The following HSDL2 variants were observed in gnomAD, a reference collection of about 807,000 sequenced individuals.
The protein encoded by HSDL2 is hydroxysteroid dehydrogenase like 2.
A neutral mutation model predicts 46.3 loss-of-function variants in HSDL2; 27 were observed. That is an observed-to-expected ratio of 0.58 (90% CI 0.43 to 0.80). The LOEUF (loss-of-function observed/expected upper bound fraction) is 0.80. Among genes scored for constraint, HSDL2 ranks in the 30% least tolerant of loss-of-function variants. The probability of loss-of-function intolerance (pLI) is 0.00; values close to 1 mark genes in which losing one functional copy is unlikely to be tolerated. For synonymous variants in HSDL2, 153 were observed against 163.6 expected, an observed-to-expected ratio of 0.94 and a Z score of 0.50; for missense variants, 451 against 502.7, an observed-to-expected ratio of 0.90 and a Z score of 0.98.
intron 10 of HSDL2, 49 bp from the exon 11 acceptor site, chr9:112,470,383 C>T: frequency 3.6e-6 from 4 of 1,106,316 alleles, no homozygotes; most frequent in South Asian, 2.6e-5. Context: ...GCAATATATC[C>T]CTAAGGGCAC....
chr9:112,412,800 A>C (rs766448794), intron 4 of HSDL2, among the ~76,000 whole-genome samples: 7 of 152,152 alleles, frequency 4.6e-5, no homozygotes, highest in Non-Finnish European at 1.0e-4. Flanking sequence ...TTAGATGTGA[A>C]GGTGCAATTA....
intron 10 of HSDL2, among the ~76,000 whole-genome samples, chr9:112,465,949 C>G (rs1484792094): frequency 6.6e-6 from 1 of 152,212 alleles, no homozygotes; most frequent in African/African-American, 2.4e-5. Context: ...TTTAACTTCT[C>G]AAAGAATTGC....
chr9:112,463,834 TA>T (rs1235273044), intron 10 of HSDL2, among the ~76,000 whole-genome samples: 1 of 151,910 alleles, frequency 6.6e-6, no homozygotes, highest in Non-Finnish European at 1.5e-5. Context: ...GTAATTTTTG[TA>T]TTTTTACTAG....
intron 8 of HSDL2, among the ~76,000 whole-genome samples, chr9:112,451,222 A>G (rs1029521292): frequency 2.0e-5 from 3 of 152,196 alleles, no homozygotes; most frequent in African/African-American, 7.2e-5. Flanking sequence ...ATTGGAATTC[A>G]TAGCTCAATT....
chr9:112,430,837 G>T (rs568936458), intron 6 of HSDL2, among the ~76,000 whole-genome samples: 29 of 152,188 alleles, frequency 1.9e-4, no homozygotes, highest in South Asian at 4.2e-4. Flanking sequence ...TGAATCACCT[G>T]AGGTCAAGAG....
At position 112,461,887 on chromosome 9, in the gene HSDL2, T is replaced by C. The variant is rs556582835; in HGVS notation, c.1144+2310T>C. ...TACAGTTGAAATAATAGGCTTTCTA[T>C]TGGTATCTTTCTTTGAATGTGGTCT... On this transcript the variant is annotated intron_variant, in intron 10 of 10. Transcript: ENST00000398805. Among the ~76,000 whole-genome samples, 3 of 152,362 alleles carry C rather than the reference T, an allele frequency of 2.0e-5. No individual in the cohort carries two copies. In the East Asian group the frequency reaches 5.8e-4, roughly 29 times the overall value.
chr9:112,464,315 T>C (rs559919923), intron 10 of HSDL2, among the ~76,000 whole-genome samples: 2 of 152,306 alleles, frequency 1.3e-5, no homozygotes, highest in Admixed American at 6.5e-5. Flanking sequence ...TCTGGATGCA[T>C]GTTCTTTATT....
chr9:112,424,686 TC>T (rs1832208086), intron 6 of HSDL2, among the ~76,000 whole-genome samples: 1 of 151,978 alleles, frequency 6.6e-6, no homozygotes, highest in Non-Finnish European at 1.5e-5. Context: ...ATATAGTTGA[TC>T]CATGAACAAT....
In HSDL2 at chr9:112,389,849, G is replaced by A. The variant is rs118149337; in HGVS notation, c.17+9669G>A. ...GGAAGCCGAGGCCGGTGGATCACTT[G>A]AGCTCAGGTATTCCAGACCAGCCTA... On this transcript the variant is annotated intron_variant, in intron 1 of 10. Coordinates refer to ENST00000398805, the MANE Select transcript of HSDL2 (RefSeq NM_032303.5). Among the ~76,000 whole-genome samples the A allele has an allele frequency of 3.7e-3, 557 of 152,222 alleles. 23 individuals carry two copies. In the East Asian group the frequency reaches 0.094, roughly 26 times the overall value.
chr9:112,450,076 A>G (rs975218792), intron 8 of HSDL2, among the ~76,000 whole-genome samples: 3 of 152,112 alleles, frequency 2.0e-5, no homozygotes, highest in African/African-American at 2.4e-5. Context: ...GCTACATCCA[A>G]TCGATTTTGT....
intron 1 of HSDL2, among the ~76,000 whole-genome samples, chr9:112,381,128 T>TA (rs1026689653): frequency 8.8e-5 from 7 of 79,430 alleles, no homozygotes; most frequent in South Asian, 8.2e-4. Context: ...TACCCTTTCT[T>TA]AAAAATAGCA....
intron 4 of HSDL2, among the ~76,000 whole-genome samples, chr9:112,414,873 A>G (rs2132637365): frequency 6.6e-6 from 1 of 152,210 alleles, no homozygotes; most frequent in Non-Finnish European, 1.5e-5. Flanking sequence ...TGTTTTTAAC[A>G]CCAGTATTGT....
rs145174001 is a variant in HSDL2 at position 112,414,891 on chromosome 9, G to A, written c.396-1950G>A. ...TTTTAACACCAGTATTGTACATTTG[G>A]TAATTAAAAAACTGACTTGAAAGAA... On this transcript the variant is annotated intron_variant, in intron 4 of 10. Transcript: ENST00000398805. Among the ~76,000 whole-genome samples, 501 of 151,684 alleles carry A rather than the reference G, an allele frequency of 3.3e-3. 4 individuals carry two copies. Among genetic ancestry groups the A allele is most frequent in the Non-Finnish European group, 5.2e-3 (353 of 67,944 alleles).
chr9:112,402,169 A>G (rs895258487), intron 1 of HSDL2, among the ~76,000 whole-genome samples: 1 of 152,162 alleles, frequency 6.6e-6, no homozygotes, highest in African/African-American at 2.4e-5. Flanking sequence ...TAGAAAGTAA[A>G]TAAGAAAGCG....
intron 1 of HSDL2, among the ~76,000 whole-genome samples, chr9:112,390,065 A>AAAATAAATAAATAAAT (rs55985147): frequency 0.11 from 16,207 of 142,884 alleles, 1,186 homozygotes; most frequent in Admixed American, 0.19. Flanking sequence ...ACTCTGTCTC[A>AAAATAAATAAATAAAT]AAATAAATAA....
intron 8 of HSDL2, among the ~76,000 whole-genome samples, chr9:112,452,515 T>G (rs543134061): frequency 5.9e-5 from 9 of 152,072 alleles, no homozygotes; most frequent in African/African-American, 2.2e-4. Flanking sequence ...GGGAGGCCAA[T>G]GTGGGTGGAT....
Sources: gnomAD v4.1 joint callset for allele counts (sites outside exome capture counted in the v4.1 genomes callset) on GRCh38, gnomAD v4.1.1 for gene constraint, MANE v1.5 for transcripts, NCBI Gene and HGNC (gene_info 2026-07-23, HGNC 2026-07-21) for gene names.